The following ARRB1 variants were observed in gnomAD, a reference collection of about 807,000 sequenced individuals.
The protein encoded by ARRB1 is arrestin beta 1.
ARRB1 carries 21 observed loss-of-function variants against 56.8 expected under a neutral mutation model. That is an observed-to-expected ratio of 0.37 (90% confidence interval 0.26 to 0.53). The LOEUF (loss-of-function observed/expected upper bound fraction) is 0.53, where lower values mean the gene tolerates loss of function less well. ARRB1 is among the 20% of genes least tolerant of loss of function. The pLI, the probability that ARRB1 is intolerant of heterozygous loss-of-function variation, is 0.88. For missense variants in ARRB1, 424 were observed against 553.7 expected (o/e 0.77, Z 2.35); for synonymous variants, 210 against 218.6 (o/e 0.96, Z 0.35).
At chr11:75,282,262 T>C in intron 5 of ARRB1, 1 of 459,024 alleles carries the variant, frequency 2.2e-6, no homozygotes, top group Non-Finnish European at 3.9e-6. Context: ...TAGATCTTTC[T>C]ATGATGTCTA....
intron 10 of ARRB1, 115 bp from the exon 11 acceptor site, chr11:75,274,326 C>T (rs1946143611): frequency 2.1e-6 from 3 of 1,456,978 alleles, no homozygotes; most frequent in East Asian, 2.3e-5. Context: ...CCTCTCCCAA[C>T]CTCTGTCCCC....
intron 1 of ARRB1, among the ~76,000 whole-genome samples, chr11:75,330,316 AAGG>A (rs1204979448): frequency 1.3e-5 from 2 of 152,154 alleles, no homozygotes; most frequent in African/African-American, 2.4e-5. Flanking sequence ...CTCAAGGGCT[AAGG>A]AGGAGTCCAG....
chr11:75,350,005 T>C (rs1591999139), intron 1 of ARRB1, among the ~76,000 whole-genome samples: 1 of 152,352 alleles, frequency 6.6e-6, no homozygotes, highest in South Asian at 2.1e-4. Context: ...TCTAGCCCTC[T>C]GGTTCCTCTG....
intron 5 of ARRB1, 32 bp downstream of exon 5, chr11:75,283,255 G>A: frequency 1.3e-6 from 2 of 1,563,910 alleles, no homozygotes; most frequent in Non-Finnish European, 1.7e-6. Flanking sequence ...TGGCATTTCT[G>A]GAATGGGGCC....
At chr11:75,275,372 C>T (rs995845074) in intron 10 of ARRB1, among the ~76,000 whole-genome samples, 7 of 152,050 alleles carry the variant, frequency 4.6e-5, no homozygotes, top group Admixed American at 1.3e-4. Context: ...GTCTCAAACT[C>T]CTGACCTCAA....
intron 1 of ARRB1, among the ~76,000 whole-genome samples, chr11:75,319,493 C>T (rs1189992527): frequency 6.6e-6 from 1 of 152,236 alleles, no homozygotes; most frequent in Non-Finnish European, 1.5e-5. Context: ...CACCCTGCCT[C>T]TCTGTCCAAC....
At chr11:75,329,701 A>G (rs1471140001) in intron 1 of ARRB1, among the ~76,000 whole-genome samples, 2 of 152,120 alleles carry the variant, frequency 1.3e-5, no homozygotes, top group African/African-American at 4.8e-5. Context: ...CAGTCACAAT[A>G]ATCACTACTG....
chr11:75,300,557 C>T (rs1164439859), intron 1 of ARRB1, among the ~76,000 whole-genome samples: 1 of 152,308 alleles, frequency 6.6e-6, no homozygotes, highest in South Asian at 2.1e-4. Flanking sequence ...CAGGGCTGGC[C>T]GCTGTGGTTC....
At chr11:75,314,610 G>A (rs1026027024) in intron 1 of ARRB1, among the ~76,000 whole-genome samples, 3 of 150,982 alleles carry the variant, frequency 2.0e-5, no homozygotes, top group Admixed American at 6.6e-5. Context: ...ACAACAGCAC[G>A]TTTTTTTTTC....
intron 1 of ARRB1, among the ~76,000 whole-genome samples, chr11:75,347,087 T>C (rs1240043460): frequency 6.6e-6 from 1 of 152,214 alleles, no homozygotes; most frequent in Non-Finnish European, 1.5e-5. Flanking sequence ...TCAGAAGCCC[T>C]GGAAGTGGCA....
chr11:75,318,174 TGAGA>T (rs202121129), intron 1 of ARRB1, among the ~76,000 whole-genome samples: 5 of 106,702 alleles, frequency 4.7e-5, no homozygotes, highest in Middle Eastern at 4.4e-3. Flanking sequence ...TTTTTTTTTT[TGAGA>T]GAGAGAGAGA....
At chr11:75,292,242 C>T (rs1019750685) in intron 1 of ARRB1, among the ~76,000 whole-genome samples, 1 of 152,138 alleles carries the variant, frequency 6.6e-6, no homozygotes, top group Non-Finnish European at 1.5e-5. Context: ...CAGGTTCAAG[C>T]GATTCTTGTG....
At chr11:75,276,810 C>T (rs370837079) in intron 10 of ARRB1, 29 bp downstream of exon 10, 38 of 1,610,790 alleles carry the variant, frequency 2.4e-5, no homozygotes, top group South Asian at 6.6e-5. Context: ...CAATCCCATA[C>T]GCCCAAGGCC....
At chr11:75,302,987 GATT>G (rs1355366719) in intron 1 of ARRB1, among the ~76,000 whole-genome samples, 1 of 124,946 alleles carries the variant, frequency 8.0e-6, no homozygotes, top group South Asian at 2.3e-4. Context: ...TTTTCCCCCA[GATT>G]ATTATTATCA....
chr11:75,281,057 C>G lies in ARRB1; in HGVS notation c.482+18G>C. 6.3e-7 allele frequency: 1 copy of G among 1,595,384 alleles called. No homozygotes were observed. The highest frequency in any genetic ancestry group is 8.5e-7 in the Non-Finnish European group (1 of 1,170,102). ...TCCCTCACCCAGCAGGCGGCCCACA[C>G]CCTGGCATCCTACTCACCGCTTGTG... On this transcript the variant is annotated intron_variant, in intron 7 of 15. Coordinates refer to ENST00000420843, the MANE Select transcript of ARRB1 (RefSeq NM_004041.5).
At chr11:75,270,861 A>T (rs1295323549) in intron 13 of ARRB1, 1 of 152,052 alleles carries the variant, frequency 6.6e-6, no homozygotes, top group Non-Finnish European at 1.5e-5. Flanking sequence ...AAGTCCCCTC[A>T]TTGGGAACCT....
At chr11:75,343,080 G>A (rs1342353470) in intron 1 of ARRB1, among the ~76,000 whole-genome samples, 6 of 152,138 alleles carry the variant, frequency 3.9e-5, no homozygotes, top group South Asian at 2.1e-4. Flanking sequence ...GGAGCTCAGC[G>A]GCATGCCAGG....
chr11:75,331,641 C>A (rs1336691010), intron 1 of ARRB1, among the ~76,000 whole-genome samples: 2 of 151,706 alleles, frequency 1.3e-5, no homozygotes, highest in African/African-American at 4.8e-5. Context: ...TGTAATTTTC[C>A]TTTACCTACG....
chr11:75,292,213 C>G (rs1276758969), intron 1 of ARRB1, among the ~76,000 whole-genome samples: 1 of 152,110 alleles, frequency 6.6e-6, no homozygotes, highest in Non-Finnish European at 1.5e-5. Context: ...GATCTCAGCT[C>G]ACTGCAACCT....
Sources: allele counts gnomAD v4.1 joint callset (sites outside exome capture counted in the v4.1 genomes callset), GRCh38; gene constraint gnomAD v4.1.1; transcripts MANE v1.5; gene names NCBI Gene and HGNC (gene_info 2026-07-23, HGNC 2026-07-21).